Variants in CAPN2 observed in about 807,000 individuals in gnomAD.
CAPN2 encodes calpain-2 catalytic subunit.
A neutral mutation model predicts 102.3 loss-of-function variants in CAPN2; 92 were observed. The ratio of observed to expected loss-of-function variants is 0.90; its 90% confidence interval spans 0.76 to 1.07. CAPN2 has a LOEUF of 1.07. CAPN2 is among the 50% of genes least tolerant of loss of function. CAPN2 has a pLI of 0.00. For synonymous variants in CAPN2, 340 were observed against 355.4 expected, an observed-to-expected ratio of 0.96 and a Z score of 0.49; for missense variants, 800 against 909.4, an observed-to-expected ratio of 0.88 and a Z score of 1.55.
At chr1:223,762,064 A>C in intron 13 of CAPN2, 122 bp from the exon 14 acceptor site, 1 of 718,952 alleles carries the variant, frequency 1.4e-6, no homozygotes. Context: ...ATCACCGTAG[A>C]ATTTGGGCCC....
At chr1:223,743,518 G>T (rs1204300419) in intron 2 of CAPN2, among the ~76,000 whole-genome samples, 1 of 152,052 alleles carries the variant, frequency 6.6e-6, no homozygotes, top group African/African-American at 2.4e-5. Flanking sequence ...AGAGATGAGG[G>T]TCTCCCTCTG....
chr1:223,740,153 GGGA>G (rs991193072), intron 2 of CAPN2, among the ~76,000 whole-genome samples: 21 of 152,302 alleles, frequency 1.4e-4, no homozygotes, highest in Middle Eastern at 6.8e-3. Flanking sequence ...GCTTCTTGTT[GGGA>G]GGAACCCTCT....
At position 223,750,937 on chromosome 1, in the gene CAPN2, C is replaced by T; in HGVS notation, c.861C>T (p.Pro287=). 6.4e-7 allele frequency: 1 copy of T among 1,552,694 alleles called. No individual in the cohort carries two copies. Among genetic ancestry groups the T allele is most frequent in the South Asian group, 1.2e-5 (1 of 84,110 alleles). ...SLQKLIRIRN[P]WGEVEWTGRW... ...AGAAACTGATCCGCATCCGAAATCCCTGGGGAGAAGTGGAGTGGACAGGGC... is the reference window on the plus strand; with the variant it reads ...AGAAACTGATCCGCATCCGAAATCCTTGGGGAGAAGTGGAGTGGACAGGGC... The change falls in exon 7 of 21, where the codon CCC becomes CCT. Residue 287 remains proline (P), a synonymous_variant. Transcript: ENST00000295006.
At chr1:223,761,253 A>G (rs1331685649) in intron 12 of CAPN2, among the ~76,000 whole-genome samples, 1 of 152,178 alleles carries the variant, frequency 6.6e-6, no homozygotes, top group Non-Finnish European at 1.5e-5. Flanking sequence ...GCAAACAAAA[A>G]TCTCCAGCTG....
chr1:223,710,704 G>T (rs540377313), upstream of CAPN2, among the ~76,000 whole-genome samples: 1 of 152,138 alleles, frequency 6.6e-6, no homozygotes, highest in Non-Finnish European at 1.5e-5. Context: ...ACCTCTTATC[G>T]CAACCCAAAC....
intron 13 of CAPN2, among the ~76,000 whole-genome samples, 164 bp from the exon 14 acceptor site, chr1:223,762,018 TATTA>T (rs1255160695): frequency 2.7e-5 from 4 of 150,042 alleles, no homozygotes; most frequent in Admixed American, 6.6e-5. Flanking sequence ...AAAAACCTTA[TATTA>T]ATTCTTCACA....
chr1:223,721,857 C>T (rs1400640503), intron 2 of CAPN2, among the ~76,000 whole-genome samples: 2 of 152,208 alleles, frequency 1.3e-5, no homozygotes, highest in East Asian at 3.8e-4. Context: ...CTTCCCAGGG[C>T]TGTGGAGAAA....
At position 223,726,152 on chromosome 1, in the gene CAPN2, T is replaced by C. The variant is rs547902744; in HGVS notation, c.307+8321T>C. Among the ~76,000 whole-genome samples the C allele has an allele frequency of 6.6e-6, 1 of 152,186 alleles. No homozygotes were observed. Among genetic ancestry groups the C allele is most frequent in the African/African-American group, 2.4e-5 (1 of 41,522 alleles). On this transcript the variant is annotated intron_variant, in intron 2 of 20. Coordinates refer to ENST00000295006, the MANE Select transcript of CAPN2 (RefSeq NM_001748.5). The surrounding 1 kb of genome is among the most constrained non-coding windows in gnomAD (Gnocchi z 4.4). ...GAATCCCCTCAGGAAGTCAGGAAAA[T>C]AGATACTGTCTTTGGGCTTCCTCCA...
chr1:223,706,406 G>A (rs1276368648), intron 1 of CAPN2, among the ~76,000 whole-genome samples: 5 of 152,200 alleles, frequency 3.3e-5, no homozygotes, highest in African/African-American at 7.2e-5. Context: ...AAATGAAACC[G>A]TTTTTTGCAG....
chr1:223,752,966 G>T lies in CAPN2; in HGVS notation c.1135+10G>T, dbSNP rs1362691132. 6.2e-7 allele frequency: 1 copy of T among 1,613,676 alleles called. No homozygotes were observed. The highest frequency in any genetic ancestry group is 1.3e-5 in the African/African-American group (1 of 75,018). ...TGCAGGAACTACCCGAGTAAGGGCTGTTGCATATAAGGGCTGTTGCAATGC... is the reference window on the plus strand; with the variant it reads ...TGCAGGAACTACCCGAGTAAGGGCTTTTGCATATAAGGGCTGTTGCAATGC... On this transcript the variant is annotated intron_variant, in intron 9 of 20. Coordinates refer to ENST00000295006, the MANE Select transcript of CAPN2 (RefSeq NM_001748.5).
chr1:223,755,072 G>A lies in CAPN2; in HGVS notation c.1136-408G>A, dbSNP rs1309810687. ...AAGTGCAGGTCATCCTCTCTCCACA[G>A]CTACCGTCACCCGTCTCCAGCCTAA... On this transcript the variant is annotated intron_variant, in intron 9 of 20. Coordinates refer to ENST00000295006, the MANE Select transcript of CAPN2 (RefSeq NM_001748.5). This position sits in a 1 kb window ranked among gnomAD's most constrained non-coding sequence, Gnocchi z 4.1. Among the ~76,000 whole-genome samples the A allele has an allele frequency of 6.6e-5, 10 of 152,100 alleles. No homozygotes were observed. The highest frequency in any genetic ancestry group is 1.3e-4 in the Non-Finnish European group (9 of 68,010).
At chr1:223,761,108 A>G (rs1277125561) in intron 12 of CAPN2, among the ~76,000 whole-genome samples, 1 of 152,260 alleles carries the variant, frequency 6.6e-6, no homozygotes, top group East Asian at 1.9e-4. Context: ...GATGATTTGC[A>G]CTGCATGATT....
intron 2 of CAPN2, among the ~76,000 whole-genome samples, chr1:223,737,707 C>A (rs1231900): frequency 6.8e-5 from 4 of 58,754 alleles, no homozygotes; most frequent in African/African-American, 1.3e-4. Flanking sequence ...AGAGACGGGG[C>A]GGGGGGTGGG....
chr1:223,744,356 G>A (rs1571801566), intron 3 of CAPN2, 138 bp downstream of exon 3: 7 of 649,182 alleles, frequency 1.1e-5, no homozygotes, highest in East Asian at 5.1e-5. Context: ...GACATTGGGC[G>A]AGAGCAGGAA....
At chr1:223,712,487 G>A, upstream of CAPN2, 1 of 1,181,104 alleles carries the variant, frequency 8.5e-7, no homozygotes, top group Non-Finnish European at 1.0e-6. Context: ...CACACCCCGC[G>A]GGCCGGGCCG....
chr1:223,730,381 G>GT lies in CAPN2; in HGVS notation c.307+12551dup, dbSNP rs1260577230. On this transcript the variant is annotated intron_variant, in intron 2 of 20. Transcript: ENST00000295006. ...CTCATCATCTATCATTAGTGTCAGT[G>GT]TATTTTATGTGTGGCCCAAGACAAT... Among the ~76,000 whole-genome samples, 7 of 116,170 alleles carry GT rather than the reference G, an allele frequency of 6.0e-5. No homozygotes were observed. In the South Asian group the frequency reaches 2.0e-3, roughly 33 times the overall value. The allele number at this position is 116,170 out of a possible 152,430, so 76.2% of individuals were successfully genotyped here.
chr1:223,747,196 C>T (rs1437475929), intron 5 of CAPN2, 31 bp downstream of exon 5: 1 of 1,569,512 alleles, frequency 6.4e-7, no homozygotes, highest in Non-Finnish European at 8.7e-7. Flanking sequence ...CTAGCCTCAC[C>T]CCATCTGCTC....
At position 223,771,808 on chromosome 1, in the gene CAPN2, G is replaced by T; in HGVS notation, c.1904-1G>T. 1.9e-6 allele frequency: 3 copies of T among 1,596,748 alleles called. No homozygotes were observed. The highest frequency in any genetic ancestry group is 2.6e-6 in the Non-Finnish European group (3 of 1,164,156). On this transcript the variant is annotated splice_acceptor_variant, in intron 18 of 20. Transcript: ENST00000295006. LOFTEE classifies it high-confidence loss of function. The stretch of plus-strand genomic sequence containing the variant: ...GAGTTTGTTTGTTCATGTAACTTCA[G>T]GTTTCAAGATGCCCTGTCAACTCCA...
At chr1:223,724,696 A>G (rs1455216120) in intron 2 of CAPN2, among the ~76,000 whole-genome samples, 1 of 152,210 alleles carries the variant, frequency 6.6e-6, no homozygotes, top group Non-Finnish European at 1.5e-5. Context: ...CAGGCAGGGC[A>G]TGGTGGCCCA....
Sources: gnomAD v4.1 joint callset for allele counts (sites outside exome capture counted in the v4.1 genomes callset) on GRCh38, gnomAD v4.1.1 for gene constraint, Gnocchi (gnomAD v3.1) non-coding constraint, MANE v1.5 for transcripts, NCBI Gene and HGNC (gene_info 2026-07-23, HGNC 2026-07-21) for gene names.